Variants in TIAM1 observed in about 807,000 individuals in gnomAD.
TIAM1 encodes rho guanine nucleotide exchange factor TIAM1.
TIAM1 carries 65 observed loss-of-function variants against 163.5 expected under a neutral mutation model. The ratio of observed to expected loss-of-function variants is 0.40; its 90% CI spans 0.33 to 0.49. TIAM1 has a LOEUF of 0.49. TIAM1 is among the 20% of genes least tolerant of loss of function. The probability of loss-of-function intolerance (pLI) is 0.77; values close to 1 mark genes in which losing one functional copy is unlikely to be tolerated. For synonymous variants in TIAM1, 833 were observed against 810.1 expected (o/e 1.03, Z -0.48); for missense variants, 1,789 against 2,044.7 (o/e 0.87, Z 2.41).
intron 16 of TIAM1, among the ~76,000 whole-genome samples, chr21:31,159,482 C>T (rs905024935): frequency 6.6e-6 from 1 of 152,172 alleles, no homozygotes; most frequent in Non-Finnish European, 1.5e-5. Context: ...TGAGTCTGAC[C>T]GATTTAACAC....
At chr21:31,475,040 ATTATTATTATTATTATTATTAT>A (rs1325970104) in intron 1 of TIAM1, among the ~76,000 whole-genome samples, 3 of 65,286 alleles carry the variant, frequency 4.6e-5, no homozygotes, top group Non-Finnish European at 9.5e-5. Flanking sequence ...TATTATTATT[ATTATTATTATTATTATTATTAT>A]TTAGTTTTAG....
upstream of TIAM1, among the ~76,000 whole-genome samples, chr21:31,349,142 G>C (rs766466787): frequency 1.3e-5 from 2 of 152,082 alleles, no homozygotes; most frequent in African/African-American, 2.4e-5. Flanking sequence ...CCAATTATAA[G>C]TTTCCATGAT....
chr21:31,273,744 T>G (rs2262241), intron 3 of TIAM1, among the ~76,000 whole-genome samples: 33,048 of 152,152 alleles, frequency 0.22, 4,438 homozygotes, highest in East Asian at 0.42. Flanking sequence ...CAGGGGTAAG[T>G]ACAATCAATA....
At chr21:31,200,847 G>C (rs1253185481) in intron 12 of TIAM1, among the ~76,000 whole-genome samples, 1 of 152,162 alleles carries the variant, frequency 6.6e-6, no homozygotes, top group East Asian at 1.9e-4. Context: ...CAGAGGTTTT[G>C]CAAGACTGTG....
chr21:31,536,941 T>C (rs146167242), intron 1 of TIAM1, among the ~76,000 whole-genome samples: 278 of 152,382 alleles, frequency 1.8e-3, no homozygotes, highest in Middle Eastern at 3.4e-3. Context: ...GTCACAGTTC[T>C]GGACACTAGA....
At chr21:31,422,849 A>C (rs1602240750) in intron 2 of TIAM1, among the ~76,000 whole-genome samples, 1 of 152,116 alleles carries the variant, frequency 6.6e-6, no homozygotes, top group Non-Finnish European at 1.5e-5. Flanking sequence ...ATTAAGCATC[A>C]TTGCTCCGTA....
intron 2 of TIAM1, among the ~76,000 whole-genome samples, chr21:31,305,870 G>T (rs902644960): frequency 6.6e-6 from 1 of 151,594 alleles, no homozygotes; most frequent in African/African-American, 2.4e-5. Flanking sequence ...TTTTAAAAAC[G>T]TGGTGACTGG....
chr21:31,464,527 G>A (rs1013980310), intron 1 of TIAM1, among the ~76,000 whole-genome samples: 2 of 152,078 alleles, frequency 1.3e-5, no homozygotes, highest in Non-Finnish European at 2.9e-5. Context: ...CGGCAACACG[G>A]CAAAACGCTG....
chr21:31,539,791 G>T (rs1425320056), intron 1 of TIAM1, among the ~76,000 whole-genome samples: 4 of 152,172 alleles, frequency 2.6e-5, no homozygotes, highest in Non-Finnish European at 5.9e-5. Flanking sequence ...CACCCAGGTT[G>T]TGTGGCCTGT....
At chr21:31,316,969 C>T (rs1208953135) in intron 2 of TIAM1, among the ~76,000 whole-genome samples, 1 of 152,176 alleles carries the variant, frequency 6.6e-6, no homozygotes, top group Admixed American at 6.5e-5. Context: ...AGGAAACCTA[C>T]GTTGCTGTAC....
At chr21:31,200,480 T>C (rs1463957728) in intron 12 of TIAM1, among the ~76,000 whole-genome samples, 3 of 152,246 alleles carry the variant, frequency 2.0e-5, no homozygotes, top group South Asian at 4.1e-4. Context: ...ATCACAGTTA[T>C]TTTCATATCA....
At chr21:31,166,862 T>C (rs1171862886) in intron 15 of TIAM1, among the ~76,000 whole-genome samples, 1 of 152,186 alleles carries the variant, frequency 6.6e-6, no homozygotes, top group East Asian at 1.9e-4. Flanking sequence ...CTCAGTGCTC[T>C]GATCACAGGA....
In TIAM1 at chr21:31,268,020, A is replaced by G. The variant is rs112120239; in HGVS notation, c.-11-1037T>C. 9.8e-3 allele frequency among the ~76,000 whole-genome samples: 1,486 copies of G among 152,312 alleles called. 10 individuals are homozygous for G. The highest frequency in any genetic ancestry group is 0.016 in the Non-Finnish European group (1,058 of 68,024). On this transcript the variant is annotated intron_variant, in intron 3 of 27. Coordinates refer to ENST00000541036, the MANE Select transcript of TIAM1 (RefSeq NM_001353694.2). ...TTCAAAGCTCGACAACTGTGACTCT[A>G]CTTAGCCTATTCTTGTTCCATGAAG... is the stretch of plus-strand genomic sequence containing the variant.
chr21:31,297,664 A>G (rs1184304282), intron 2 of TIAM1, among the ~76,000 whole-genome samples: 1 of 152,212 alleles, frequency 6.6e-6, no homozygotes, highest in Non-Finnish European at 1.5e-5. Flanking sequence ...GATTACAGGC[A>G]TGAGCCACCG....
chr21:31,191,914 T>G (rs1381092356), intron 13 of TIAM1, among the ~76,000 whole-genome samples: 1 of 152,240 alleles, frequency 6.6e-6, no homozygotes, highest in African/African-American at 2.4e-5. Context: ...AACTTGATCT[T>G]TGCTAGTTTA....
intron 4 of TIAM1, among the ~76,000 whole-genome samples, chr21:31,256,626 CACGTAT>C (rs2072121029): frequency 6.8e-6 from 1 of 147,182 alleles, no homozygotes; most frequent in Non-Finnish European, 1.5e-5. Context: ...CACACACACA[CACGTAT>C]ATTATCTTTG....
chr21:31,343,948 C>G (rs981860460), intron 1 of TIAM1, among the ~76,000 whole-genome samples, 190 bp downstream of exon 1: 1 of 152,204 alleles, frequency 6.6e-6, no homozygotes, highest in Non-Finnish European at 1.5e-5. Flanking sequence ...AGCCTCGGGG[C>G]GCAGCTTGGA....
In TIAM1 at chr21:31,217,639, C is replaced by T. The variant is rs370941376; in HGVS notation, c.2056G>A (p.Ala686Thr). ...GAAAACCTGCTCCTTCGCTTGCTCGCGGATCTGGACATGGCCTGAGTACGT... is the reference window on the plus strand; with the variant it reads ...GAAAACCTGCTCCTTCGCTTGCTCGTGGATCTGGACATGGCCTGAGTACGT... The part of the protein sequence containing the change: ...RRRTQAMSRS[A>T]SKRRSRFSSL... The change falls in exon 9 of 28, where the codon GCG becomes ACG. Residue 686 changes from alanine (A) to threonine (T), a missense_variant. Physicochemically the swap from Ala to Thr is moderately conservative, Grantham distance 58 (BLOSUM62 0). Around this residue, in one of 5 missense-constraint regions of TIAM1, gnomAD observed 456 missense variants for 586.6 expected, o/e 0.78. Coordinates refer to ENST00000541036, the MANE Select transcript of TIAM1 (RefSeq NM_001353694.2). The T allele has an allele frequency of 7.4e-6, 12 of 1,613,968 alleles. No individual in the cohort carries two copies. Among genetic ancestry groups the T allele is most frequent in the East Asian group, 4.5e-5 (2 of 44,874 alleles).
Position 31,165,098 on chromosome 21 carries a change from A to G in TIAM1, c.2888-33T>C. ...ATGAAATCAGAAGAAAATGTGGGTCAACATGGACAGTAATTGCTAAAAGCC... is the reference window on the plus strand; with the variant it reads ...ATGAAATCAGAAGAAAATGTGGGTCGACATGGACAGTAATTGCTAAAAGCC... On this transcript the variant is annotated intron_variant, in intron 15 of 27. Coordinates refer to ENST00000541036, the MANE Select transcript of TIAM1 (RefSeq NM_001353694.2). 2 of 1,607,420 alleles carry G rather than the reference A, an allele frequency of 1.2e-6. 1 individual carries two copies. The highest frequency in any genetic ancestry group is 2.7e-5 in the African/African-American group (2 of 74,972).
Sources: allele counts gnomAD v4.1 joint callset (sites outside exome capture counted in the v4.1 genomes callset), GRCh38; gene constraint gnomAD v4.1.1; regional missense constraint gnomAD v4.1.1; transcripts MANE v1.5; gene names NCBI Gene and HGNC (gene_info 2026-07-23, HGNC 2026-07-21).